SYT9: variants seen among roughly 807,000 people sequenced by gnomAD.
SYT9 encodes the protein synaptotagmin 9, also known as synaptotagmin-9.
In SYT9, 22 loss-of-function variants were observed where a neutral mutation model predicts 48.4. The ratio of observed to expected loss-of-function variants is 0.45; its 90% CI spans 0.32 to 0.65. The LOEUF (loss-of-function observed/expected upper bound fraction) is 0.65, where lower values mean the gene tolerates loss of function less well. SYT9 is among the 30% of genes least tolerant of loss of function. The probability of loss-of-function intolerance (pLI) is 0.03; values close to 1 mark genes in which losing one functional copy is unlikely to be tolerated. For missense variants in SYT9, 577 were observed against 622.0 expected, an observed-to-expected ratio of 0.93 and a Z score of 0.77; for synonymous variants, 265 against 245.0, an observed-to-expected ratio of 1.08 and a Z score of -0.76.
chr11:7,263,643 G>T (rs4757988), intron 1 of SYT9, among the ~76,000 whole-genome samples: 1 of 151,946 alleles, frequency 6.6e-6, no homozygotes, highest in Non-Finnish European at 1.5e-5. Context: ...AGTATTCCTA[G>T]GTGGAAGGAA....
rs921328836 is a variant in SYT9, at chr11:7,377,918, C to G, written c.1045-38124C>G. 6.6e-5 allele frequency among the ~76,000 whole-genome samples: 10 copies of G among 152,198 alleles called. No homozygotes were observed. The Middle Eastern group carries it at 0.01, about 155-fold the overall frequency. On this transcript the variant is annotated intron_variant, in intron 3 of 6. Coordinates refer to ENST00000318881, the MANE Select transcript of SYT9 (RefSeq NM_175733.4). ...GTTAATTAACCTCTGACTCTGGATT[C>G]TTCTCTATAAAAAGGCCATAGCCCA...
At chr11:7,351,104 A>G (rs1266684272) in intron 3 of SYT9, among the ~76,000 whole-genome samples, 1 of 152,228 alleles carries the variant, frequency 6.6e-6, no homozygotes, top group Non-Finnish European at 1.5e-5. Flanking sequence ...GTTTTAAAAA[A>G]TTATCTTTAA....
At chr11:7,271,350 T>C (rs932246053) in intron 1 of SYT9, among the ~76,000 whole-genome samples, 9 of 152,106 alleles carry the variant, frequency 5.9e-5, no homozygotes, top group African/African-American at 2.2e-4. Context: ...AGTGCTGGAC[T>C]GTGTACAATG....
At chr11:7,309,404 CCTA>C (rs1849089517) in intron 2 of SYT9, among the ~76,000 whole-genome samples, 1 of 152,162 alleles carries the variant, frequency 6.6e-6, no homozygotes. Context: ...ACTCCCCAGA[CCTA>C]CTCAGAGGAC....
At chr11:7,375,037 T>C (rs1435554550) in intron 3 of SYT9, among the ~76,000 whole-genome samples, 1 of 152,216 alleles carries the variant, frequency 6.6e-6, no homozygotes, top group African/African-American at 2.4e-5. Context: ...CCTTTTAGGG[T>C]TTTTATGGTT....
chr11:7,291,609 T>C (rs1848697980), intron 1 of SYT9, among the ~76,000 whole-genome samples: 1 of 152,044 alleles, frequency 6.6e-6, no homozygotes, highest in Admixed American at 6.6e-5. Context: ...GTGTCTCACA[T>C]GTGTTTAAAA....
Position 7,381,819 on chromosome 11 carries a change from T to C in SYT9, c.1045-34223T>C, listed in dbSNP as rs369019985. Among the ~76,000 whole-genome samples the C allele has an allele frequency of 7.9e-4, 120 of 152,296 alleles. 1 individual carries two copies. Among genetic ancestry groups the C allele is most frequent in the African/African-American group, 2.8e-3 (116 of 41,562 alleles). On this transcript the variant is annotated intron_variant, in intron 3 of 6. Coordinates refer to ENST00000318881, the MANE Select transcript of SYT9 (RefSeq NM_175733.4). The stretch of plus-strand genomic sequence containing the variant: ...GTCATTAAATTCTTCTTTGTGTTAT[T>C]GTTATTATCAATCCCATCTGCCACT...
intron 1 of SYT9, among the ~76,000 whole-genome samples, chr11:7,281,086 C>T (rs983328838): frequency 6.6e-6 from 1 of 152,196 alleles, no homozygotes; most frequent in Non-Finnish European, 1.5e-5. Context: ...GGCAGATTTT[C>T]TGAACTCACA....
At chr11:7,242,905 G>A (rs976147115) in intron 1 of SYT9, among the ~76,000 whole-genome samples, 25 of 152,180 alleles carry the variant, frequency 1.6e-4, no homozygotes, top group African/African-American at 5.5e-4. Flanking sequence ...AATTAGCTAG[G>A]CATGATGGTG....
intron 6 of SYT9, among the ~76,000 whole-genome samples, chr11:7,449,001 G>A (rs1331322232): frequency 2.6e-5 from 4 of 152,138 alleles, no homozygotes; most frequent in Non-Finnish European, 5.9e-5. Context: ...CCAGGGAGGA[G>A]AAGCCAAGAC....
chr11:7,311,134 C>G (rs1258514740), intron 2 of SYT9, among the ~76,000 whole-genome samples: 1 of 152,142 alleles, frequency 6.6e-6, no homozygotes, highest in Non-Finnish European at 1.5e-5. Flanking sequence ...GAAACCCTGT[C>G]TCTACTAAAA....
intron 2 of SYT9, among the ~76,000 whole-genome samples, chr11:7,309,619 A>G (rs1358634612): frequency 6.6e-6 from 1 of 152,112 alleles, no homozygotes; most frequent in African/African-American, 2.4e-5. Flanking sequence ...TATATTCCGT[A>G]TCTTTCCTAC....
At chr11:7,444,874 T>C (rs943547583) in intron 6 of SYT9, among the ~76,000 whole-genome samples, 1 of 152,202 alleles carries the variant, frequency 6.6e-6, no homozygotes, top group African/African-American at 2.4e-5. Flanking sequence ...GGGTGGCTTG[T>C]TTTGCCAAGG....
chr11:7,458,543 TA>T (rs1161635829), intron 6 of SYT9, among the ~76,000 whole-genome samples: 16 of 152,306 alleles, frequency 1.1e-4, no homozygotes, highest in African/African-American at 3.4e-4. Context: ...AAGTGTGACA[TA>T]GATTGTTTAC....
At chr11:7,359,356 G>A in intron 3 of SYT9, among the ~76,000 whole-genome samples, 1 of 81,154 alleles carries the variant, frequency 1.2e-5, no homozygotes, top group Non-Finnish European at 2.5e-5. Context: ...AGTCATTTGG[G>A]TATATACCCA....
chr11:7,269,563 A>C (rs11041292), intron 1 of SYT9, among the ~76,000 whole-genome samples: 13,557 of 152,060 alleles, frequency 0.089, 790 homozygotes, highest in East Asian at 0.23. Context: ...CATTACTTCA[A>C]ATTCAAAGTC....
At chr11:7,269,406 A>G (rs1848254881) in intron 1 of SYT9, among the ~76,000 whole-genome samples, 3 of 152,154 alleles carry the variant, frequency 2.0e-5, no homozygotes, top group Admixed American at 6.5e-5. Flanking sequence ...TGACAGCAAA[A>G]CAATAACAGC....
At chr11:7,355,206 C>T (rs1028869251) in intron 3 of SYT9, among the ~76,000 whole-genome samples, 2 of 152,166 alleles carry the variant, frequency 1.3e-5, no homozygotes, top group African/African-American at 2.4e-5. Context: ...ATGGGAGTTT[C>T]CCAGCAGGCA....
At chr11:7,329,460 A>G (rs1229722845) in intron 3 of SYT9, among the ~76,000 whole-genome samples, 2 of 152,182 alleles carry the variant, frequency 1.3e-5, no homozygotes, top group African/African-American at 2.4e-5. Flanking sequence ...CTGCTCATAT[A>G]GTATTTTCAG....
Sources: allele counts gnomAD v4.1 joint callset (sites outside exome capture counted in the v4.1 genomes callset), GRCh38; gene constraint gnomAD v4.1.1; transcripts MANE v1.5; gene names NCBI Gene and HGNC (gene_info 2026-07-23, HGNC 2026-07-21).